The following ZNF335 variants were observed in gnomAD, a reference collection of about 807,000 sequenced individuals.
The protein encoded by ZNF335 is NRC-interacting factor 1.
In ZNF335, 84 loss-of-function variants were observed where a neutral mutation model predicts 145.6. That is an observed-to-expected ratio of 0.58 (90% CI 0.48 to 0.69). ZNF335 has a LOEUF of 0.69. Among genes scored for constraint, ZNF335 ranks in the 30% least tolerant of loss-of-function variants. The probability of loss-of-function intolerance (pLI) is 0.00; values close to 1 mark genes in which losing one functional copy is unlikely to be tolerated. For missense variants in ZNF335, 1,865 were observed against 1,809.7 expected (o/e 1.03, Z -0.55); for synonymous variants, 761 against 717.0 (o/e 1.06, Z -0.98).
chr20:45,953,457 G>C (rs550146769), intron 18 of ZNF335, among the ~76,000 whole-genome samples: 2 of 152,182 alleles, frequency 1.3e-5, no homozygotes, highest in African/African-American at 4.8e-5. Flanking sequence ...GGGAAATCTG[G>C]GTCTCATGGG....
intron 6 of ZNF335, among the ~76,000 whole-genome samples, chr20:45,966,533 C>T (rs983976391): frequency 4.0e-5 from 6 of 150,776 alleles, no homozygotes; most frequent in Non-Finnish European, 7.4e-5. Flanking sequence ...CTCAGCAAGA[C>T]TCTGTTTCTT....
intron 9 of ZNF335, among the ~76,000 whole-genome samples, chr20:45,962,999 G>A (rs185448033): frequency 3.3e-5 from 5 of 152,074 alleles, no homozygotes; most frequent in Non-Finnish European, 5.9e-5. Context: ...TTTTAGTAGA[G>A]ATGGGGTTTC....
intron 20 of ZNF335, among the ~76,000 whole-genome samples, chr20:45,951,037 C>T (rs2145356557): frequency 6.6e-6 from 1 of 152,342 alleles, no homozygotes; most frequent in Admixed American, 6.5e-5. Context: ...GGATTACTGG[C>T]ATGCGCCACC....
At chr20:45,958,050 CTTTTCTT>C (rs1294291393) in intron 15 of ZNF335, 122 bp from the exon 16 acceptor site, 1 of 731,940 alleles carries the variant, frequency 1.4e-6, no homozygotes, top group Non-Finnish European at 2.3e-6. Context: ...TTCATAACCA[CTTTTCTT>C]TTTTTTTTTT....
rs765477803 is a variant in ZNF335 at position 45,959,282 on chromosome 20, G to C, written c.2172C>G (p.Phe724Leu). 1.9e-6 allele frequency: 3 copies of C among 1,552,046 alleles called. No individual in the cohort carries two copies. The highest frequency in any genetic ancestry group is 2.6e-6 in the Non-Finnish European group (3 of 1,144,768). ...EEPPSRRRPF[F>L]SLQQIEELKQ... is the part of the protein sequence containing the mutation. Reference sequence around the variant, plus strand: ...TCAGCTCCTCAATCTGCTGCAGAGAGAAGAAGGGGCGACGGCGGGAGGGGG... The same window carrying C: ...TCAGCTCCTCAATCTGCTGCAGAGACAAGAAGGGGCGACGGCGGGAGGGGG... Residue 724 changes from phenylalanine to leucine, a missense_variant, in exon 15 of 28, where the codon TTC (phenylalanine) becomes TTG (leucine). By Grantham distance (22) the Phe-to-Leu change is conservative. Transcript: ENST00000322927.
chr20:45,971,309 G>C lies in ZNF335; in HGVS notation c.102C>G (p.Ala34=). ...ESGLGVGTSE[A]VSADSSDAAA... ...CGGCGTCGCTGCTGTCGGCGGACACGGCTTCTGAGGTGCCCACACCCAGGC... is the reference window on the plus strand; with the variant it reads ...CGGCGTCGCTGCTGTCGGCGGACACCGCTTCTGAGGTGCCCACACCCAGGC... Residue 34 remains alanine (A), a synonymous_variant, in exon 2 of 28, where the codon GCC becomes GCG. Transcript: ENST00000322927. 1 of 1,594,006 alleles carries C rather than the reference G, an allele frequency of 6.3e-7. No homozygotes were observed. The highest frequency in any genetic ancestry group is 8.5e-7 in the Non-Finnish European group (1 of 1,177,020).
In ZNF335 at chr20:45,952,057, C is replaced by G. The variant is rs1010296105; in HGVS notation, c.3189+90G>C. 9.4e-6 allele frequency: 14 copies of G among 1,482,114 alleles called. No homozygotes were observed. In the Admixed American group the frequency reaches 2.2e-4, roughly 23 times the overall value. The allele number at this position is 1,482,114 out of a possible 1,614,324, so 91.8% of individuals were successfully genotyped here. On this transcript the variant is annotated intron_variant, in intron 20 of 27. Transcript: ENST00000322927. ...ATCCACTCAGAGGAGAGCAGAGGAT[C>G]TGGCTTGAAAGGGCACTCATTAAAG...
In ZNF335 at chr20:45,949,381, G is replaced by C; in HGVS notation, c.3771C>G (p.Ile1257Met). Reference protein sequence around the residue: ...GHHIQVQEGQITHIQYEQGAP... With the variant: ...GHHIQVQEGQMTHIQYEQGAP... ...CTCCTTGTTCATACTGGATGTGTGT[G>C]ATCTGGCCCTCCTGTACCTGCAGAG... The change falls in exon 26 of 28, where the codon ATC (isoleucine) becomes ATG (methionine). Residue 1257 changes from isoleucine (I) to methionine (M), a missense_variant. Transcript: ENST00000322927. The C allele has an allele frequency of 6.2e-7, 1 of 1,614,124 alleles. No individual in the cohort carries two copies. Among genetic ancestry groups the C allele is most frequent in the Non-Finnish European group, 8.5e-7 (1 of 1,180,016 alleles).
rs186877137 is a variant in ZNF335 at position 45,949,986 on chromosome 20, C to G, written c.3571G>C (p.Glu1191Gln). 1.9e-6 allele frequency: 3 copies of G among 1,614,044 alleles called. No individual in the cohort carries two copies. Among genetic ancestry groups the G allele is most frequent in the African/African-American group, 2.7e-5 (2 of 74,936 alleles). ...LSQEHIIVAQ[E>Q]QTVTNQEEAA... ...CTTACCTGATTGGTCACTGTCTGTT[C>G]CTGGGCAACGATGATGTGTTCCTGG... is the stretch of plus-strand genomic sequence containing the variant. The change falls in exon 23 of 28, where the codon GAA becomes CAA. Residue 1191 changes from glutamate to glutamine, a missense_variant. Physicochemically the swap from Glu to Gln is conservative, Grantham distance 29. Transcript: ENST00000322927.
In ZNF335 at chr20:45,971,404, C is replaced by T; in HGVS notation, c.7G>A (p.Glu3Lys). The change falls in exon 2 of 28, where the codon GAG (glutamate) becomes AAG (lysine). Residue 3 changes from glutamate (E) to lysine (K), a missense_variant. Coordinates refer to ENST00000322927, the MANE Select transcript of ZNF335 (RefSeq NM_022095.4). ...TCGCTGCTGCTCTCCACCTCGTTCT[C>T]CTCCATCTGATCGGCGGGCTGCCTG... Reference protein sequence around the residue: MEENEVESSSDAA... With the variant: MEKNEVESSSDAA... 1.2e-6 allele frequency: 2 copies of T among 1,600,382 alleles called. No individual in the cohort carries two copies. The highest frequency in any genetic ancestry group is 1.7e-6 in the Non-Finnish European group (2 of 1,179,746).
chr20:45,951,794 T>G (rs1233879305), intron 20 of ZNF335, among the ~76,000 whole-genome samples: 1 of 152,236 alleles, frequency 6.6e-6, no homozygotes, highest in East Asian at 1.9e-4. Flanking sequence ...CGAGTCTCCC[T>G]AGCCATGCCT....
At position 45,959,366 on chromosome 20, in the gene ZNF335, G is replaced by A. The variant is rs769858029; in HGVS notation, c.2088C>T (p.His696=). The A allele has an allele frequency of 2.7e-5, 42 of 1,581,378 alleles. No individual in the cohort carries two copies. The highest frequency in any genetic ancestry group is 4.6e-5 in the South Asian group (4 of 87,912). ...STRHKKNLRL[H]VRCRHASSFE... is the part of the protein sequence containing the mutation. The stretch of plus-strand genomic sequence containing the variant: ...AGCTGCTTGCGTGTCGGCACCGTAC[G>A]TGCAGGCGCAGGTTCTTCTTGTGCC... The change falls in exon 15 of 28, where the codon CAC becomes CAT. Residue 696 remains histidine, a synonymous_variant. Coordinates refer to ENST00000322927, the MANE Select transcript of ZNF335 (RefSeq NM_022095.4).
At position 45,949,808 on chromosome 20, in the gene ZNF335, CGGA is replaced by C. The variant is rs762714309; in HGVS notation, c.3658_3660del (p.Ser1220del). ...AGTAGCTAGTAGCTCACCTGGTTGT[CGGA>C]GGTCACCAGGTGCTGTACGGTCTGG... On this transcript the variant is annotated inframe_deletion, in exon 24 of 28. Coordinates refer to ENST00000322927, the MANE Select transcript of ZNF335 (RefSeq NM_022095.4). The C allele has an allele frequency of 8.7e-6, 14 of 1,614,066 alleles. No homozygotes were observed. In the South Asian group the frequency reaches 1.5e-4, roughly 18 times the overall value.
In ZNF335 at chr20:45,952,127, C is replaced by G. The variant is rs766449455; in HGVS notation, c.3189+20G>C. On this transcript the variant is annotated intron_variant, in intron 20 of 27. Coordinates refer to ENST00000322927, the MANE Select transcript of ZNF335 (RefSeq NM_022095.4). ...AGCCCAATGAATGACAGCAGAGACA[C>G]AGGAGCAACCAGCACCTACCCGGAC... The G allele has an allele frequency of 6.4e-7, 1 of 1,568,612 alleles. No individual in the cohort carries two copies. The highest frequency in any genetic ancestry group is 1.2e-5 in the South Asian group (1 of 85,844).
At chr20:45,969,802 G>T in intron 2 of ZNF335, 111 bp from the exon 3 acceptor site, 1 of 1,456,064 alleles carries the variant, frequency 6.9e-7, no homozygotes, top group Non-Finnish European at 9.3e-7. Context: ...GACATGGTCA[G>T]TGGAGCCACT....
intron 17 of ZNF335, among the ~76,000 whole-genome samples, chr20:45,955,361 A>AAAAAAAAAAAG (rs1235350370): frequency 6.7e-6 from 1 of 149,464 alleles, no homozygotes; most frequent in South Asian, 2.1e-4. Context: ...AAAAAAAAAA[A>AAAAAAAAAAAG]AAAAAAAAAG....
In ZNF335 at chr20:45,957,838, G is replaced by A; in HGVS notation, c.2344C>T (p.Gln782Ter). Residue 782 changes from glutamine to a stop codon, truncating the protein, a stop_gained, in exon 16 of 28, where the codon CAA (glutamine) becomes TAA (stop). Transcript: ENST00000322927. LOFTEE classifies it high-confidence loss of function. ...TLGGATIIYQ[Q>*]GAEESTAMAT... The stretch of plus-strand genomic sequence containing the variant: ...CCTATCCTCCTACAGAGCTCACCTT[G>A]CTGGTAGATGATGGTGGCGCCGCCC... The A allele has an allele frequency of 1.2e-6, 2 of 1,613,830 alleles. No homozygotes were observed. The highest frequency in any genetic ancestry group is 1.7e-6 in the Non-Finnish European group (2 of 1,179,966).
chr20:45,965,318 C>T (rs375802865), intron 7 of ZNF335, among the ~76,000 whole-genome samples: 1 of 152,036 alleles, frequency 6.6e-6, no homozygotes, highest in Non-Finnish European at 1.5e-5. Context: ...CAGACTTATT[C>T]CTCTCTTCTC....
chr20:45,969,488 C>CT lies in ZNF335; in HGVS notation c.404dup (p.Ile136AspfsTer21). On this transcript the variant is annotated frameshift_variant, in exon 3 of 28. Coordinates refer to ENST00000322927, the MANE Select transcript of ZNF335 (RefSeq NM_022095.4). LOFTEE classifies it high-confidence loss of function. ...CGGGCCCGATGGTGGACTCGATGAT[C>CT]TTGTCGATGGCCGAGCCCAGGTCCG... is the stretch of plus-strand genomic sequence containing the variant. 6.4e-7 allele frequency: 1 copy of CT among 1,563,166 alleles called. No individual in the cohort carries two copies. Among genetic ancestry groups the CT allele is most frequent in the Non-Finnish European group, 8.7e-7 (1 of 1,144,426 alleles).
Sources: allele counts gnomAD v4.1 joint callset (sites outside exome capture counted in the v4.1 genomes callset), GRCh38; gene constraint gnomAD v4.1.1; transcripts MANE v1.5; gene names NCBI Gene and HGNC (gene_info 2026-07-23, HGNC 2026-07-21).